Variants in USP34 observed in about 807,000 individuals in gnomAD.
The protein encoded by USP34 is ubiquitin carboxyl-terminal hydrolase 34.
Under a neutral mutation model 460.3 loss-of-function variants are expected in USP34, and 70 were observed. The ratio of observed to expected loss-of-function variants is 0.15; its 90% confidence interval spans 0.13 to 0.19. The LOEUF is 0.19. Among genes scored for constraint, USP34 ranks in the 10% least tolerant of loss-of-function variants. USP34 has a pLI of 1.00. For missense variants in USP34, 3,985 were observed against 4,236.2 expected (o/e 0.94, Z 1.65); for synonymous variants, 1,647 against 1,405.3 (o/e 1.17, Z -3.85).
intron 1 of USP34, among the ~76,000 whole-genome samples, chr2:61,467,206 G>GGTA (rs1310054034): frequency 6.6e-6 from 1 of 152,070 alleles, no homozygotes; most frequent in East Asian, 1.9e-4. Flanking sequence ...GGGAGGCTGA[G>GGTA]GCAGGAGAAT....
chr2:61,289,561 T>C (rs1199297543), intron 33 of USP34, among the ~76,000 whole-genome samples: 1 of 152,060 alleles, frequency 6.6e-6, no homozygotes, highest in East Asian at 1.9e-4. Context: ...GTTCTTAACC[T>C]CCTGCTCTCC....
chr2:61,425,674 C>G (rs7572173), intron 1 of USP34, among the ~76,000 whole-genome samples: 4,319 of 152,186 alleles, frequency 0.028, 211 homozygotes, highest in African/African-American at 0.099. Flanking sequence ...TTTTGGCAGT[C>G]TGAGCCGTAA....
At position 61,189,023 on chromosome 2, in the gene USP34, T is replaced by G. The variant is rs143137074; in HGVS notation, c.9920A>C (p.Gln3307Pro). The change falls in exon 79 of 80, where the codon CAG (glutamine) becomes CCG (proline). Residue 3307 changes from glutamine (Q) to proline (P), a missense_variant. Around this residue, in one of 14 missense-constraint regions of USP34, gnomAD observed 506 missense variants for 439.0 expected, o/e 1.15. Transcript: ENST00000398571. The part of the protein sequence containing the change: ...ALLLSVHTPK[Q>P]LNPALIPTLQ... ...AGTTGGAATTAGAGCTGGGTTTAAC[T>G]GTTTGGGAGTGTGTACTGACAGGAG... 10 of 1,614,218 alleles carry G rather than the reference T, an allele frequency of 6.2e-6. No homozygotes were observed. In the African/African-American group the frequency reaches 6.7e-5, roughly 11 times the overall value.
At chr2:61,312,571 A>G (rs1461631417) in intron 25 of USP34, among the ~76,000 whole-genome samples, 1 of 152,126 alleles carries the variant, frequency 6.6e-6, no homozygotes, top group Admixed American at 6.6e-5. Context: ...ATAAAAAGTG[A>G]GGGAATGAAT....
intron 19 of USP34, among the ~76,000 whole-genome samples, chr2:61,332,897 G>A (rs1361676113): frequency 6.6e-6 from 1 of 151,922 alleles, no homozygotes; most frequent in Non-Finnish European, 1.5e-5. Context: ...TGACTCAGAA[G>A]AATTAACTTC....
chr2:61,346,718 G>C (rs896431971), intron 15 of USP34, among the ~76,000 whole-genome samples: 3 of 148,894 alleles, frequency 2.0e-5, no homozygotes, highest in Non-Finnish European at 3.0e-5. Flanking sequence ...TGTAGTCCCA[G>C]CTGCTCAGTA....
rs1384253634 is a variant in USP34 at position 61,301,297 on chromosome 2, T to G, written c.3918+57A>C. On this transcript the variant is annotated intron_variant, in intron 28 of 79. Coordinates refer to ENST00000398571, the MANE Select transcript of USP34 (RefSeq NM_014709.4). The stretch of plus-strand genomic sequence containing the variant: ...TGTTTTTAAACTACATCTGCGACTA[T>G]TCAACTGATGATTATAAACAGATCA... The G allele has an allele frequency of 3.8e-6, 6 of 1,566,980 alleles. No individual in the cohort carries two copies. In the East Asian group the frequency reaches 6.7e-5, roughly 18 times the overall value.
In USP34 at chr2:61,221,586, C is replaced by G. The variant is rs1687586297; in HGVS notation, c.7815G>C (p.Lys2605Asn). 1 of 1,613,934 alleles carries G rather than the reference C, an allele frequency of 6.2e-7. No homozygotes were observed. The highest frequency in any genetic ancestry group is 8.5e-7 in the Non-Finnish European group (1 of 1,179,960). ...LTPEAANPFFKLLTMLMEFAG... is the reference protein window; with the variant it reads ...LTPEAANPFFNLLTMLMEFAG... ...CAAACTCCATTAGCATAGTCAACAA[C>G]TTAAAGAAAGGATTGGCTGCCTGTA... Residue 2605 changes from lysine (K) to asparagine (N), a missense_variant, in exon 66 of 80, where the codon AAG becomes AAC. Around this residue, in one of 14 missense-constraint regions of USP34, gnomAD observed 604 missense variants for 684.8 expected, o/e 0.88. Transcript: ENST00000398571.
At chr2:61,258,933 T>C (rs1198546342) in intron 44 of USP34, among the ~76,000 whole-genome samples, 3 of 152,078 alleles carry the variant, frequency 2.0e-5, no homozygotes, top group Admixed American at 6.6e-5. Flanking sequence ...CTGAGATAAC[T>C]TTTAGAAGTT....
At position 61,188,211 on chromosome 2, in the gene USP34, A is replaced by C; in HGVS notation, c.10532T>G (p.Phe3511Cys). The change falls in exon 80 of 80, where the codon TTT (phenylalanine) becomes TGT (cysteine). Residue 3511 changes from phenylalanine to cysteine, a missense_variant. Transcript: ENST00000398571. Reference sequence around the variant, plus strand: ...AATGTCATGTTGCTGCATATGACTAAAGAGTCCTCTGGAATGGCCACAACT... The same window carrying C: ...AATGTCATGTTGCTGCATATGACTACAGAGTCCTCTGGAATGGCCACAACT... ...SLSCGHSRGL[F>C]SHMQQHDILD... is the part of the protein sequence containing the mutation. 6.2e-7 allele frequency: 1 copy of C among 1,614,164 alleles called. No individual in the cohort carries two copies. The highest frequency in any genetic ancestry group is 8.5e-7 in the Non-Finnish European group (1 of 1,180,038).
intron 43 of USP34, among the ~76,000 whole-genome samples, chr2:61,260,815 C>A (rs563125340): frequency 6.6e-6 from 1 of 151,988 alleles, no homozygotes; most frequent in Admixed American, 6.6e-5. Context: ...GGAATAAAGA[C>A]CTGGATTTAT....
chr2:61,311,780 G>A lies in USP34; in HGVS notation c.3669+4C>T, dbSNP rs959809453. The A allele has an allele frequency of 6.2e-7, 1 of 1,613,450 alleles. No individual in the cohort carries two copies. Among genetic ancestry groups the A allele is most frequent in the Non-Finnish European group, 8.5e-7 (1 of 1,179,820 alleles). ...CAACTTCGAAATTAAAACTATGTAA[G>A]TACCTTGTCAGGAAGTCCAGCTGGC... On this transcript the variant is annotated splice_donor_region_variant and intron_variant, in intron 26 of 79. Transcript: ENST00000398571.
chr2:61,232,558 T>C (rs1239405106), intron 57 of USP34, 26 bp from the exon 58 acceptor site: 3 of 1,550,762 alleles, frequency 1.9e-6, no homozygotes, highest in Non-Finnish European at 2.6e-6. Context: ...ACAGCATGAC[T>C]TTAACATTCA....
At chr2:61,382,262 C>A (rs1347852239) in intron 6 of USP34, among the ~76,000 whole-genome samples, 1 of 152,128 alleles carries the variant, frequency 6.6e-6, no homozygotes. Context: ...AAAATTAAAT[C>A]CATACTCCTT....
intron 2 of USP34, among the ~76,000 whole-genome samples, chr2:61,412,673 G>C (rs1362306678): frequency 6.6e-6 from 1 of 151,922 alleles, no homozygotes; most frequent in African/African-American, 2.4e-5. Context: ...ATGACTGCTT[G>C]AACCCAGGAG....
intron 49 of USP34, among the ~76,000 whole-genome samples, chr2:61,248,185 C>CAAAAAAAAAA (rs11339335): frequency 1.4e-5 from 1 of 69,564 alleles, no homozygotes; most frequent in African/African-American, 5.4e-5. Flanking sequence ...CTCAGAAGAC[C>CAAAAAAAAAA]AAAAAAAAAA....
intron 16 of USP34, among the ~76,000 whole-genome samples, chr2:61,340,490 A>G (rs1016363967): frequency 1.3e-5 from 2 of 152,210 alleles, no homozygotes; most frequent in African/African-American, 4.8e-5. Context: ...AGATTTCCAA[A>G]GAGGCTGTGC....
chr2:61,283,039 T>C, intron 37 of USP34, 106 bp downstream of exon 37: 1 of 1,194,058 alleles, frequency 8.4e-7, no homozygotes, highest in Non-Finnish European at 1.2e-6. Flanking sequence ...ATGTGATATA[T>C]TTATGGACTC....
rs146065762 is a variant in USP34, at chr2:61,291,274, C to T, written c.4548+2190G>A. ...GGTACCACTTTACACACTAGGATAG[C>T]TAAAATAAAAGAGACACTAACAAGT... is the stretch of plus-strand genomic sequence containing the variant. On this transcript the variant is annotated intron_variant, in intron 33 of 79. Coordinates refer to ENST00000398571, the MANE Select transcript of USP34 (RefSeq NM_014709.4). Among the ~76,000 whole-genome samples, 656 of 152,104 alleles carry T rather than the reference C, an allele frequency of 4.3e-3. 20 individuals carry two copies. Among genetic ancestry groups the T allele is most frequent in the Admixed American group, 0.039 (598 of 15,270 alleles).
Sources: allele counts gnomAD v4.1 joint callset (sites outside exome capture counted in the v4.1 genomes callset), GRCh38; gene constraint gnomAD v4.1.1; regional missense constraint gnomAD v4.1.1; transcripts MANE v1.5; gene names NCBI Gene and HGNC (gene_info 2026-07-23, HGNC 2026-07-21).